KCNA6: variants seen among roughly 807,000 people sequenced by gnomAD.
KCNA6 encodes potassium voltage-gated channel subfamily A member 6, also known as human brain potassium channel-2.
Under a neutral mutation model 29.5 loss-of-function variants are expected in KCNA6, and 17 were observed. The observed-to-expected ratio is 0.58, with a 90% CI of 0.39 to 0.86. KCNA6 has a LOEUF of 0.86. KCNA6 is among the 40% of genes least tolerant of loss of function. KCNA6 has a pLI of 0.00. For synonymous variants in KCNA6, 296 were observed against 304.7 expected (o/e 0.97, Z 0.30); for missense variants, 450 against 703.4 (o/e 0.64, Z 4.07).
chr12:4,832,080 G>A, the KCNA6 span, among the ~76,000 whole-genome samples: 2 of 152,136 alleles, frequency 1.3e-5, no homozygotes, highest in African/African-American at 2.4e-5. Context: ...AGATGGTGTA[G>A]TTGTGGAATT....
the KCNA6 span, among the ~76,000 whole-genome samples, chr12:4,820,587 A>ACT: frequency 6.7e-6 from 1 of 149,958 alleles, no homozygotes; most frequent in African/African-American, 2.5e-5. Flanking sequence ...ACACACACAC[A>ACT]CACACTCTTA....
the KCNA6 span, among the ~76,000 whole-genome samples, chr12:4,819,932 C>T: frequency 2.0e-5 from 3 of 152,288 alleles, no homozygotes; most frequent in South Asian, 6.2e-4. Context: ...AAGAGTTTAG[C>T]AGGAAATAAA....
chr12:4,836,822 C>G, the KCNA6 span, among the ~76,000 whole-genome samples: 1 of 152,188 alleles, frequency 6.6e-6, no homozygotes, highest in Non-Finnish European at 1.5e-5. Context: ...TAGCCAGTTG[C>G]AGGGAGACAT....
At chr12:4,838,054 G>T in the KCNA6 span, among the ~76,000 whole-genome samples, 1 of 152,162 alleles carries the variant, frequency 6.6e-6, no homozygotes, top group Admixed American at 6.5e-5. Context: ...GGTGGGGAGG[G>T]ATGGGGTGGT....
At chr12:4,822,630 A>C in the KCNA6 span, among the ~76,000 whole-genome samples, 1 of 152,216 alleles carries the variant, frequency 6.6e-6, no homozygotes, top group African/African-American at 2.4e-5. Flanking sequence ...GAAATCAGGC[A>C]AACTTCTGCG....
At chr12:4,819,131 G>A in the KCNA6 span, among the ~76,000 whole-genome samples, 14 of 152,184 alleles carry the variant, frequency 9.2e-5, no homozygotes, top group African/African-American at 3.4e-4. Context: ...AACACATATG[G>A]TGCTATATAT....
chr12:4,829,655 G>T, the KCNA6 span, among the ~76,000 whole-genome samples: 1 of 151,642 alleles, frequency 6.6e-6, no homozygotes, highest in Non-Finnish European at 1.5e-5. Flanking sequence ...CTCACTGCCT[G>T]CCCTAATTTG....
the KCNA6 span, chr12:4,850,664 C>T: frequency 2.7e-6 from 1 of 365,628 alleles, no homozygotes; most frequent in Non-Finnish European, 5.6e-6. The surrounding 1 kb of genome is among the most constrained non-coding windows in gnomAD (Gnocchi z 5.4). Flanking sequence ...CCAGGTTTCT[C>T]AGTTCCATCC....
Position 4,810,430 on chromosome 12 carries a change from C to T in KCNA6, c.389C>T (p.Ala130Val), listed in dbSNP as rs1438938131. 2 of 1,614,078 alleles carry T rather than the reference C, an allele frequency of 1.2e-6. No individual in the cohort carries two copies. The highest frequency in any genetic ancestry group is 1.7e-6 in the Non-Finnish European group (2 of 1,179,992). The change falls in exon 1 of 1, where the codon GCC becomes GTC. Residue 130 changes from alanine (A) to valine (V), a missense_variant. Around this residue, in one of 7 missense-constraint regions of KCNA6, gnomAD observed 133 missense variants for 217.5 expected, o/e 0.61. Transcript: ENST00000280684. This position sits in a 1 kb window ranked among gnomAD's most constrained non-coding sequence, Gnocchi z 7.5. ...CGCTTCTACCAGCTGGGGGACGAGG[C>T]CCTGGCGGCCTTCCGGGAGGACGAG... is the stretch of plus-strand genomic sequence containing the variant.
Position 4,811,742 on chromosome 12 carries a change from C to T in KCNA6, c.*111C>T. On this transcript the variant is annotated 3_prime_UTR_variant, in exon 1 of 1. Coordinates refer to ENST00000280684, the Ensembl canonical transcript of KCNA6. The surrounding 1 kb of genome is among the most constrained non-coding windows in gnomAD (Gnocchi z 7.1). ...TCAGTTGACTTCTTGACTCTCTCCC[C>T]TACACCCACTACCTGGCATCCAGGA... 1 of 1,257,064 alleles carries T rather than the reference C, an allele frequency of 8.0e-7. No individual in the cohort carries two copies. Among genetic ancestry groups the T allele is most frequent in the Non-Finnish European group, 1.1e-6 (1 of 898,802 alleles). The allele number at this position is 1,257,064 out of a possible 1,614,324, so 77.9% of individuals were successfully genotyped here. A position where few individuals can be genotyped will look rare whatever the true frequency, so the allele number is the denominator to read the frequency against.
chr12:4,810,155 T>C lies in KCNA6; in HGVS notation c.114T>C (p.Cys38=), dbSNP rs1946610270. 3.1e-6 allele frequency: 5 copies of C among 1,608,812 alleles called. No homozygotes were observed. The highest frequency in any genetic ancestry group is 4.2e-6 in the Non-Finnish European group (5 of 1,178,186). ...AGGCCGGCGGGGGCGGGGGCTGCTG[T>C]AGTAGCGAGCGGCTGGTGATCAATA... Residue 38 remains cysteine (C), a synonymous_variant, in exon 1 of 1, where the codon TGT becomes TGC. Coordinates refer to ENST00000280684, the Ensembl canonical transcript of KCNA6. The surrounding 1 kb of genome is among the most constrained non-coding windows in gnomAD (Gnocchi z 7.5).
the KCNA6 span, among the ~76,000 whole-genome samples, chr12:4,834,141 C>T: frequency 6.6e-6 from 1 of 151,896 alleles, no homozygotes; most frequent in East Asian, 1.9e-4. Context: ...TGCTATGTTT[C>T]CCAGGTTGGT....
downstream of KCNA6, chr12:4,813,833 C>T (rs1047698558): frequency 6.0e-6 from 1 of 167,124 alleles, no homozygotes; most frequent in African/African-American, 2.4e-5. Flanking sequence ...GCATGTATCT[C>T]TGTATATGTG....
the KCNA6 span, among the ~76,000 whole-genome samples, chr12:4,831,887 A>C: frequency 0.018 from 2,712 of 152,330 alleles, 82 homozygotes; most frequent in African/African-American, 0.06. Flanking sequence ...GATCTTGGGC[A>C]CATTTCTCAT....
the KCNA6 span, among the ~76,000 whole-genome samples, chr12:4,847,680 T>G: frequency 1.3e-5 from 2 of 152,160 alleles, no homozygotes; most frequent in Non-Finnish European, 2.9e-5. Flanking sequence ...CTTCTGGAAT[T>G]TTCTGTTTTC....
rs1462738365 is a variant in KCNA6 at position 4,811,900 on chromosome 12, C to T, written c.*269C>T. 1 of 464,500 alleles carries T rather than the reference C, an allele frequency of 2.2e-6. No individual in the cohort carries two copies. Among genetic ancestry groups the T allele is most frequent in the Non-Finnish European group, 4.0e-6 (1 of 252,200 alleles). 28.8% of individuals were successfully genotyped at this position (464,500 alleles called of 1,614,324 possible). A position where few individuals can be genotyped will look rare whatever the true frequency, so the allele number is the denominator to read the frequency against. ...GCTTCTGTCATATGAATGAGATATACATTTATGTCTGACCTTCCCTCAAGA... is the reference window on the plus strand; with the variant it reads ...GCTTCTGTCATATGAATGAGATATATATTTATGTCTGACCTTCCCTCAAGA... On this transcript the variant is annotated 3_prime_UTR_variant, in exon 1 of 1. Transcript: ENST00000280684. This position sits in a 1 kb window ranked among gnomAD's most constrained non-coding sequence, Gnocchi z 7.1.
rs1277706796 is a variant in KCNA6, at chr12:4,810,900, A to C, written c.859A>C (p.Ser287Arg). 1.9e-6 allele frequency: 3 copies of C among 1,614,070 alleles called. No homozygotes were observed. The highest frequency in any genetic ancestry group is 2.5e-6 in the Non-Finnish European group (3 of 1,179,986). The change falls in exon 1 of 1, where the codon AGC (serine) becomes CGC (arginine). Residue 287 changes from serine to arginine, a missense_variant. Coordinates refer to ENST00000280684, the Ensembl canonical transcript of KCNA6. The surrounding 1 kb of genome is among the most constrained non-coding windows in gnomAD (Gnocchi z 7.5). ...CCTGGTGCGCTTCTCCGCCTGCCCT[A>C]GCAAGCCGGCCTTCTTCCGGAACAT...
the KCNA6 span, among the ~76,000 whole-genome samples, chr12:4,818,910 A>C: frequency 1.6e-4 from 24 of 152,036 alleles, no homozygotes; most frequent in African/African-American, 5.3e-4. Context: ...ATATATATAC[A>C]TACATACACA....
chr12:4,820,004 A>AC, the KCNA6 span, among the ~76,000 whole-genome samples: 4 of 152,168 alleles, frequency 2.6e-5, no homozygotes, highest in Non-Finnish European at 4.4e-5. Context: ...GAGACACCAA[A>AC]CACCCATCCG....
Sources: allele counts gnomAD v4.1 joint callset (sites outside exome capture counted in the v4.1 genomes callset), GRCh38; gene constraint gnomAD v4.1.1; regional missense constraint gnomAD v4.1.1; non-coding constraint Gnocchi (gnomAD v3.1); transcripts MANE v1.5; gene names NCBI Gene and HGNC (gene_info 2026-07-23, HGNC 2026-07-21).